Variants in LAMA3 observed in about 807,000 individuals in gnomAD.
The protein encoded by LAMA3 is laminin subunit alpha 3, also known as laminin subunit alpha-3.
Under a neutral mutation model 402.0 loss-of-function variants are expected in LAMA3, and 281 were observed. The observed-to-expected ratio is 0.70, with a 90% confidence interval of 0.63 to 0.77. LAMA3 has a LOEUF of 0.77. LAMA3 is among the 30% of genes least tolerant of loss of function. The probability of loss-of-function intolerance (pLI) is 0.00; values close to 1 mark genes in which losing one functional copy is unlikely to be tolerated. For missense variants in LAMA3, 3,840 were observed against 4,215.5 expected (o/e 0.91, Z 2.47); for synonymous variants, 1,431 against 1,558.4 (o/e 0.92, Z 1.93).
Position 23,758,384 on chromosome 18 carries a change from C to G in LAMA3, c.948-12C>G. 6.2e-7 allele frequency: 1 copy of G among 1,607,800 alleles called. No homozygotes were observed. Among genetic ancestry groups the G allele is most frequent in the Non-Finnish European group, 8.5e-7 (1 of 1,174,830 alleles). ...TTTCAATAACTGAGATGCACTTCGC[C>G]CACATGCCCAGGTTTCGGTGTGAAT... On this transcript the variant is annotated splice_polypyrimidine_tract_variant and intron_variant, in intron 6 of 74. Transcript: ENST00000313654.
At chr18:23,902,866 A>G in intron 48 of LAMA3, 143 bp from the exon 49 acceptor site, 1 of 677,552 alleles carries the variant, frequency 1.5e-6, no homozygotes, top group East Asian at 2.6e-5. Context: ...ATTTCCTATC[A>G]CTTTGTAATT....
intron 5 of LAMA3, among the ~76,000 whole-genome samples, chr18:23,753,374 T>C (rs1186379122): frequency 6.6e-6 from 1 of 152,242 alleles, no homozygotes; most frequent in Non-Finnish European, 1.5e-5. Context: ...ATAAAATTCA[T>C]TTGTAAAGAA....
chr18:23,700,124 T>C (rs141617064), intron 1 of LAMA3, among the ~76,000 whole-genome samples: 4 of 152,276 alleles, frequency 2.6e-5, no homozygotes, highest in African/African-American at 9.6e-5. Context: ...TTTTTGTCCT[T>C]ACCTTACCTA....
intron 41 of LAMA3, among the ~76,000 whole-genome samples, chr18:23,886,604 T>C (rs1217114716): frequency 6.6e-6 from 1 of 151,916 alleles, no homozygotes; most frequent in Admixed American, 6.6e-5. Context: ...ATCGCACTAC[T>C]GCATTCCAGC....
rs764920360 is a variant in LAMA3 at position 23,838,881 on chromosome 18, A to T, written c.3191+3A>T. On this transcript the variant is annotated splice_donor_region_variant and intron_variant, in intron 26 of 74. Transcript: ENST00000313654. ...TATGGGCGATTTGTCAATCAAAGGT[A>T]ATGTGTTTCCTTCCTGTCTCCCCGT... The T allele has an allele frequency of 6.4e-7, 1 of 1,566,966 alleles. No individual in the cohort carries two copies. Among genetic ancestry groups the T allele is most frequent in the Non-Finnish European group, 8.8e-7 (1 of 1,136,888 alleles).
chr18:23,829,312 A>G (rs2063448756), intron 23 of LAMA3, among the ~76,000 whole-genome samples: 1 of 152,140 alleles, frequency 6.6e-6, no homozygotes, highest in South Asian at 2.1e-4. Context: ...ATCTCTGATT[A>G]TTTTGTTACC....
chr18:23,714,744 G>T (rs1219636297), intron 2 of LAMA3, among the ~76,000 whole-genome samples: 1 of 152,058 alleles, frequency 6.6e-6, no homozygotes, highest in African/African-American at 2.4e-5. Flanking sequence ...TGGCATCATT[G>T]TGCAACCATC....
intron 66 of LAMA3, 156 bp downstream of exon 66, chr18:23,932,447 C>A: frequency 3.7e-6 from 3 of 801,644 alleles, no homozygotes; most frequent in South Asian, 1.7e-5. Flanking sequence ...GCAAGATACA[C>A]CCATTAAAAA....
chr18:23,791,337 A>G (rs1438212760), intron 12 of LAMA3, among the ~76,000 whole-genome samples: 2 of 152,226 alleles, frequency 1.3e-5, no homozygotes, highest in African/African-American at 4.8e-5. Context: ...AAATGTAAGC[A>G]GCAGATACAG....
At chr18:23,943,584 A>T (rs1845783060) in intron 68 of LAMA3, among the ~76,000 whole-genome samples, 1 of 152,208 alleles carries the variant, frequency 6.6e-6, no homozygotes, top group East Asian at 1.9e-4. Flanking sequence ...TAGTAAGGAA[A>T]TTATACAACA....
intron 23 of LAMA3, 61 bp from the exon 24 acceptor site, chr18:23,833,767 C>A: frequency 6.3e-7 from 1 of 1,582,086 alleles, no homozygotes; most frequent in Middle Eastern, 2.3e-4. Context: ...ATTGCTGATG[C>A]AAGTGTGGCC....
chr18:23,698,497 G>A (rs920704769), intron 1 of LAMA3, among the ~76,000 whole-genome samples: 7 of 152,246 alleles, frequency 4.6e-5, no homozygotes, highest in Middle Eastern at 3.4e-3. Context: ...GAGCCACCGC[G>A]CCCCACCTCT....
intron 35 of LAMA3, 109 bp from the exon 36 acceptor site, chr18:23,864,676 G>T: frequency 1.3e-6 from 1 of 744,320 alleles, no homozygotes; most frequent in Non-Finnish European, 2.4e-6. Context: ...TTACCAGGTC[G>T]AGTGTGTTTC....
chr18:23,768,576 G>A (rs2062129063), intron 8 of LAMA3, among the ~76,000 whole-genome samples: 1 of 152,216 alleles, frequency 6.6e-6, no homozygotes, highest in Non-Finnish European at 1.5e-5. Flanking sequence ...ACTATGGAAA[G>A]CAGTTTGGAG....
At chr18:23,769,433 A>C (rs747833874) in intron 8 of LAMA3, among the ~76,000 whole-genome samples, 18 of 152,230 alleles carry the variant, frequency 1.2e-4, no homozygotes, top group Non-Finnish European at 2.1e-4. Context: ...AATGCATGTA[A>C]ATATAATACA....
chr18:23,779,697 A>C (rs2062396938), intron 11 of LAMA3, among the ~76,000 whole-genome samples: 1 of 152,144 alleles, frequency 6.6e-6, no homozygotes, highest in Admixed American at 6.5e-5. Context: ...AGCAAGAAGC[A>C]AGAGAGGAGG....
intron 2 of LAMA3, among the ~76,000 whole-genome samples, chr18:23,738,778 A>C (rs2146049876): frequency 1.3e-5 from 2 of 152,326 alleles, no homozygotes; most frequent in Middle Eastern, 6.8e-3. Flanking sequence ...ACTTCCAGAA[A>C]GAATTCTTCA....
At position 23,784,109 on chromosome 18, in the gene LAMA3, C is replaced by T. The variant is rs757972988; in HGVS notation, c.1555C>T (p.Arg519Ter). 1.1e-5 allele frequency: 18 copies of T among 1,613,824 alleles called. No homozygotes were observed. Among genetic ancestry groups the T allele is most frequent in the Admixed American group, 1.0e-4 (6 of 59,982 alleles). Reference sequence around the variant, plus strand: ...GTGCCGCCCTGGGGTTGAGGGCCCTCGATGTGATACCTGCCGCTCTGGTTT... The same window carrying T: ...GTGCCGCCCTGGGGTTGAGGGCCCTTGATGTGATACCTGCCGCTCTGGTTT... ...CLCRPGVEGP[R>*]CDTCRSGFYS... The change falls in exon 12 of 75, where the codon CGA becomes TGA. Residue 519 changes from arginine (R) to a stop codon, truncating the protein, a stop_gained. Transcript: ENST00000313654. LOFTEE classifies it high-confidence loss of function.
rs1057516475 is a variant in LAMA3 at position 23,881,934 on chromosome 18, A to G, written c.5113-2A>G. The G allele has an allele frequency of 6.2e-7, 1 of 1,608,150 alleles. No individual in the cohort carries two copies. Among genetic ancestry groups the G allele is most frequent in the African/African-American group, 1.3e-5 (1 of 74,806 alleles). ...TGAATTGTGCTGTTCACCTGTCCCC[A>G]GAACTGTCAGCACAACACCGCGGGA... On this transcript the variant is annotated splice_acceptor_variant, in intron 39 of 74. Transcript: ENST00000313654. LOFTEE classifies it high-confidence loss of function.
Sources: gnomAD v4.1 joint callset for allele counts (sites outside exome capture counted in the v4.1 genomes callset) on GRCh38, gnomAD v4.1.1 for gene constraint, MANE v1.5 for transcripts, NCBI Gene and HGNC (gene_info 2026-07-23, HGNC 2026-07-21) for gene names.